BNC2: variants seen among roughly 807,000 people sequenced by gnomAD.
BNC2 encodes basonuclin zinc finger protein 2, also known as zinc finger protein basonuclin-2.
Under a neutral mutation model 76.3 loss-of-function variants are expected in BNC2, and 20 were observed. The ratio of observed to expected loss-of-function variants is 0.26; its 90% CI spans 0.18 to 0.38. The LOEUF is 0.38. Ranked by LOEUF, BNC2 falls within the 10% of genes least tolerant of loss-of-function variation. The pLI is 1.00. For missense variants in BNC2, 1,382 were observed against 1,399.8 expected (o/e 0.99, Z 0.20); for synonymous variants, 582 against 514.8 (o/e 1.13, Z -1.77).
chr9:16,533,897 C>A (rs1818056659), intron 5 of BNC2, among the ~76,000 whole-genome samples: 1 of 152,206 alleles, frequency 6.6e-6, no homozygotes, highest in Non-Finnish European at 1.5e-5. Flanking sequence ...GAAACATAAT[C>A]TAAAAATCAA....
intron 1 of BNC2, among the ~76,000 whole-genome samples, chr9:16,814,737 A>G (rs1586905731): frequency 6.6e-6 from 1 of 152,228 alleles, no homozygotes. Context: ...GGGAAATTCA[A>G]CATAATGTGC....
intron 4 of BNC2, among the ~76,000 whole-genome samples, chr9:16,572,071 G>A (rs1450670994): frequency 6.6e-6 from 1 of 152,122 alleles, no homozygotes; most frequent in Admixed American, 6.6e-5. Flanking sequence ...TTAGCCAAAA[G>A]GAGGCGGGTG....
chr9:16,759,881 G>C (rs887717789), intron 1 of BNC2, among the ~76,000 whole-genome samples: 4 of 151,890 alleles, frequency 2.6e-5, no homozygotes, highest in African/African-American at 2.4e-5. Context: ...CTGCCACCAC[G>C]CCCGGCTAAT....
chr9:16,569,003 G>GTTTTTTT (rs373012680), intron 4 of BNC2, among the ~76,000 whole-genome samples: 167 of 135,718 alleles, frequency 1.2e-3, no homozygotes, highest in African/African-American at 4.0e-3. Flanking sequence ...TGCTTCTAGA[G>GTTTTTTT]TTTTTTTTTT....
chr9:16,459,052 A>C (rs1472599362), intron 5 of BNC2, among the ~76,000 whole-genome samples: 14 of 152,240 alleles, frequency 9.2e-5, no homozygotes, highest in Admixed American at 7.2e-4. Flanking sequence ...TCTTGTGAAT[A>C]ACACCATTAA....
Position 16,418,903 on chromosome 9 carries a change from C to CA in BNC2, c.*85dup. ...CACACACACACACACACACACACCC[C>CA]AAGTACATAAGCGCACACTGACTAT... On this transcript the variant is annotated 3_prime_UTR_variant, in exon 7 of 7. Transcript: ENST00000380672. 1 of 1,079,906 alleles carries CA rather than the reference C, an allele frequency of 9.3e-7. No individual in the cohort carries two copies. Among genetic ancestry groups the CA allele is most frequent in the Non-Finnish European group, 1.3e-6 (1 of 780,334 alleles). The allele number at this position is 1,079,906 out of a possible 1,614,324, so 66.9% of individuals were successfully genotyped here.
intron 1 of BNC2, among the ~76,000 whole-genome samples, chr9:16,745,976 G>T (rs1253390222): frequency 6.6e-6 from 1 of 152,134 alleles, no homozygotes; most frequent in African/African-American, 2.4e-5. Flanking sequence ...TAAAGCCTGG[G>T]CTCCTTGGCT....
chr9:16,667,952 C>G (rs1822350932), intron 3 of BNC2, among the ~76,000 whole-genome samples: 2 of 152,104 alleles, frequency 1.3e-5, no homozygotes, highest in African/African-American at 4.8e-5. Flanking sequence ...CTTGGTTTTC[C>G]TGTCCTCTGT....
chr9:16,517,113 A>G (rs1817465922), intron 5 of BNC2, among the ~76,000 whole-genome samples: 1 of 152,152 alleles, frequency 6.6e-6, no homozygotes, highest in African/African-American at 2.4e-5. Flanking sequence ...CCCCATAATG[A>G]TGGTGGTGTC....
chr9:16,810,167 A>G (rs188313643), intron 1 of BNC2, among the ~76,000 whole-genome samples: 3 of 152,356 alleles, frequency 2.0e-5, no homozygotes, highest in Non-Finnish European at 4.4e-5. Context: ...TATAAAAAGA[A>G]TATCATTATA....
intron 1 of BNC2, among the ~76,000 whole-genome samples, chr9:16,776,106 A>C (rs975011847): frequency 6.6e-6 from 1 of 152,172 alleles, no homozygotes; most frequent in Non-Finnish European, 1.5e-5. Flanking sequence ...CCTCAAGTTT[A>C]TAACTATGGC....
chr9:16,842,775 T>C (rs1174497801), intron 1 of BNC2, among the ~76,000 whole-genome samples: 1 of 152,202 alleles, frequency 6.6e-6, no homozygotes, highest in African/African-American at 2.4e-5. Context: ...TACTTTGTTT[T>C]TTGGAGTCTC....
chr9:16,485,649 G>C (rs1822148798), intron 5 of BNC2, among the ~76,000 whole-genome samples: 1 of 152,128 alleles, frequency 6.6e-6, no homozygotes, highest in African/African-American at 2.4e-5. Context: ...GTGAGACCCT[G>C]TCTCTACAAA....
intron 3 of BNC2, among the ~76,000 whole-genome samples, chr9:16,662,123 A>G (rs995614616): frequency 6.6e-6 from 1 of 152,216 alleles, no homozygotes; most frequent in Non-Finnish European, 1.5e-5. Flanking sequence ...TAAACTCCCA[A>G]TATTTCTCCT....
chr9:16,519,790 G>T (rs919347949), intron 5 of BNC2, among the ~76,000 whole-genome samples: 1 of 152,164 alleles, frequency 6.6e-6, no homozygotes, highest in African/African-American at 2.4e-5. Flanking sequence ...TAAGTAATTT[G>T]CTCAAGTCAT....
At chr9:16,420,004 A>G (rs1242639921) in intron 6 of BNC2, among the ~76,000 whole-genome samples, 1 of 152,158 alleles carries the variant, frequency 6.6e-6, no homozygotes, top group African/African-American at 2.4e-5. Flanking sequence ...GAGATTTTAG[A>G]ATATATATTA....
chr9:16,475,740 C>T (rs1391511147), intron 5 of BNC2, among the ~76,000 whole-genome samples: 1 of 152,126 alleles, frequency 6.6e-6, no homozygotes, highest in Non-Finnish European at 1.5e-5. Flanking sequence ...GAGTATGCTA[C>T]AGAAGGAGCA....
rs1820547354 is a variant in BNC2 at position 16,414,712 on chromosome 9, C to T, written c.*4277G>A. 6.6e-6 allele frequency: 1 copy of T among 152,160 alleles called. No homozygotes were observed. The highest frequency in any genetic ancestry group is 1.5e-5 in the Non-Finnish European group (1 of 68,056). 9.4% of individuals were successfully genotyped at this position (152,160 alleles called of 1,614,324 possible). ...AGGACTGCTCAGGTCAAGCTGTCAGCAGTTAGCAGCATGTCCATCTCAATC... is the reference window on the plus strand; with the variant it reads ...AGGACTGCTCAGGTCAAGCTGTCAGTAGTTAGCAGCATGTCCATCTCAATC... On this transcript the variant is annotated 3_prime_UTR_variant, in exon 7 of 7. Coordinates refer to ENST00000380672, the MANE Select transcript of BNC2 (RefSeq NM_017637.6).
intron 3 of BNC2, among the ~76,000 whole-genome samples, chr9:16,593,459 G>A (rs986091416): frequency 6.6e-6 from 1 of 151,908 alleles, no homozygotes; most frequent in Non-Finnish European, 1.5e-5. Flanking sequence ...AATCAACAGC[G>A]GGATATAGCC....
Sources: gnomAD v4.1 joint callset for allele counts (sites outside exome capture counted in the v4.1 genomes callset) on GRCh38, gnomAD v4.1.1 for gene constraint, MANE v1.5 for transcripts, NCBI Gene and HGNC (gene_info 2026-07-23, HGNC 2026-07-21) for gene names.